Variants in HIGD1C observed in about 807,000 individuals in gnomAD.
HIGD1C encodes the protein HIG1 hypoxia inducible domain family member 1C.
In HIGD1C, 11 loss-of-function variants were observed where a neutral mutation model predicts 13.1. The observed-to-expected ratio is 0.84, with a 90% CI of 0.53 to 1.39. The LOEUF (loss-of-function observed/expected upper bound fraction) is 1.39, where lower values mean the gene tolerates loss of function less well. Among genes scored for constraint, HIGD1C ranks in the 40% most tolerant of loss-of-function variants. The probability of loss-of-function intolerance (pLI) is 0.00; values close to 1 mark genes in which losing one functional copy is unlikely to be tolerated. For missense variants in HIGD1C, 110 were observed against 112.0 expected, an observed-to-expected ratio of 0.98 and a Z score of 0.08; for synonymous variants, 36 against 37.7, an observed-to-expected ratio of 0.95 and a Z score of 0.17.
chr12:50,960,686 ATT>A (rs60135812), intron 1 of HIGD1C, among the ~76,000 whole-genome samples: 27,652 of 147,352 alleles, frequency 0.19, 2,879 homozygotes, highest in East Asian at 0.5. Context: ...TAACCCATAC[ATT>A]TTTTTTTTTC....
downstream of HIGD1C, among the ~76,000 whole-genome samples, chr12:50,971,277 A>C (rs1939752972): frequency 6.6e-6 from 1 of 152,218 alleles, no homozygotes; most frequent in Non-Finnish European, 1.5e-5. Flanking sequence ...ACTCCTTTTT[A>C]GAATGGGTAA....
At chr12:50,962,594 G>A (rs1161919010) in intron 2 of HIGD1C, among the ~76,000 whole-genome samples, 1 of 152,110 alleles carries the variant, frequency 6.6e-6, no homozygotes, top group Non-Finnish European at 1.5e-5. Context: ...CTACTTGGGA[G>A]GCTGAGGCAA....
In HIGD1C at chr12:50,969,500, G is replaced by C. The variant is rs1329579754; in HGVS notation, c.230-942G>C. On this transcript the variant is annotated intron_variant, in intron 2 of 2. Coordinates refer to ENST00000398455, the Ensembl canonical transcript of HIGD1C. ...AGACCACCTGAGGTCAGGAGTTCAA[G>C]ACCGGCCTGGCCAACATGGCGAAAC... is the stretch of plus-strand genomic sequence containing the variant. 3.9e-5 allele frequency among the ~76,000 whole-genome samples: 6 copies of C among 152,056 alleles called. No individual in the cohort carries two copies. The East Asian group carries it at 1.2e-3, about 29-fold the overall frequency.
chr12:50,954,068 A>G (rs1938997884), exon 1 of HIGD1C: 1 of 1,611,646 alleles, frequency 6.2e-7, no homozygotes, highest in South Asian at 1.1e-5. Flanking sequence ...CAGGAAATCT[A>G]GAGACTCCCC....
chr12:50,962,134 C>A (rs1592261553), intron 2 of HIGD1C, among the ~76,000 whole-genome samples: 1 of 152,134 alleles, frequency 6.6e-6, no homozygotes, highest in East Asian at 1.9e-4. Flanking sequence ...ACCTGTGATC[C>A]CACCACTTTG....
upstream of HIGD1C, among the ~76,000 whole-genome samples, chr12:50,949,879 CT>C (rs1200280592): frequency 6.6e-6 from 1 of 152,130 alleles, no homozygotes; most frequent in African/African-American, 2.4e-5. Context: ...GAACATACAC[CT>C]TGTCCCTTTC....
chr12:50,950,129 C>A (rs1938862540), upstream of HIGD1C, among the ~76,000 whole-genome samples: 1 of 152,104 alleles, frequency 6.6e-6, no homozygotes, highest in Admixed American at 6.5e-5. Context: ...AGGCACAGCC[C>A]CAGTGTAAAC....
intron 2 of HIGD1C, among the ~76,000 whole-genome samples, chr12:50,969,185 T>C (rs937413884): frequency 2.0e-5 from 3 of 151,686 alleles, no homozygotes; most frequent in African/African-American, 7.3e-5. Flanking sequence ...TCCCAGCTAC[T>C]AGGGGGGCTG....
At chr12:50,968,828 C>A (rs1424688878) in intron 2 of HIGD1C, among the ~76,000 whole-genome samples, 1 of 151,950 alleles carries the variant, frequency 6.6e-6, no homozygotes, top group Admixed American at 6.6e-5. Flanking sequence ...AGGCATGAGC[C>A]ACCACGCCTG....
At chr12:50,957,507 T>G (rs183197391) in intron 1 of HIGD1C, among the ~76,000 whole-genome samples, 1 of 151,556 alleles carries the variant, frequency 6.6e-6, no homozygotes, top group Admixed American at 6.6e-5. Flanking sequence ...CCAGCCTGCA[T>G]TTCTTCTTTT....
intron 2 of HIGD1C, among the ~76,000 whole-genome samples, chr12:50,968,355 C>T (rs752316453): frequency 6.6e-6 from 1 of 152,066 alleles, no homozygotes; most frequent in Non-Finnish European, 1.5e-5. Context: ...CCCAACTTAC[C>T]GTAATCTCCA....
At chr12:50,970,473 T>G in exon 3 of HIGD1C, 1 of 1,532,564 alleles carries the variant, frequency 6.5e-7, no homozygotes, top group Non-Finnish European at 8.9e-7. Flanking sequence ...AGGATTACAT[T>G]AGACCACGAT....
At chr12:50,960,627 CT>C (rs1474734454) in intron 1 of HIGD1C, among the ~76,000 whole-genome samples, 9 of 152,096 alleles carry the variant, frequency 5.9e-5, no homozygotes, top group African/African-American at 2.2e-4. Flanking sequence ...TGTAGACATT[CT>C]TTCATTTAAC....
At chr12:50,960,131 T>G (rs1461703315) in intron 1 of HIGD1C, among the ~76,000 whole-genome samples, 3 of 152,222 alleles carry the variant, frequency 2.0e-5, no homozygotes. Context: ...ACAGAAATAT[T>G]TGTATAGGCT....
At chr12:50,942,713 A>C in the HIGD1C span, among the ~76,000 whole-genome samples, 2 of 151,994 alleles carry the variant, frequency 1.3e-5, no homozygotes, top group African/African-American at 4.8e-5. Flanking sequence ...ACAAATAAAA[A>C]ATTAGCCGGG....
chr12:50,959,773 A>G (rs12316856), intron 1 of HIGD1C, among the ~76,000 whole-genome samples: 27,836 of 151,746 alleles, frequency 0.18, 2,915 homozygotes, highest in East Asian at 0.5. Flanking sequence ...TCAGCCTCCC[A>G]AGTAGCTGGG....
upstream of HIGD1C, among the ~76,000 whole-genome samples, chr12:50,951,870 C>T (rs533462813): frequency 7.1e-6 from 1 of 140,960 alleles, no homozygotes; most frequent in Non-Finnish European, 1.5e-5. Flanking sequence ...TGCAGTGAGC[C>T]AAGATTGCGC....
chr12:50,956,263 G>A (rs1282256316), intron 1 of HIGD1C, among the ~76,000 whole-genome samples: 2 of 152,048 alleles, frequency 1.3e-5, no homozygotes, highest in East Asian at 3.9e-4. Context: ...GTGGTGGCAG[G>A]CGCCTGTAGT....
intron 2 of HIGD1C, 92 bp downstream of exon 4, chr12:50,961,194 C>A: frequency 7.6e-7 from 1 of 1,313,700 alleles, no homozygotes; most frequent in South Asian, 1.4e-5. Context: ...AATGTTGGGT[C>A]ACAATGATGT....
Sources: gnomAD v4.1 joint callset for allele counts (sites outside exome capture counted in the v4.1 genomes callset) on GRCh38, gnomAD v4.1.1 for gene constraint, MANE v1.5 for transcripts, NCBI Gene and HGNC (gene_info 2026-07-23, HGNC 2026-07-21) for gene names.